CAMK1D: variants seen among roughly 807,000 people sequenced by gnomAD.
CAMK1D encodes calcium/calmodulin dependent protein kinase ID, also known as calcium/calmodulin-dependent protein kinase type 1D.
CAMK1D carries 9 observed loss-of-function variants against 47.7 expected under a neutral mutation model. The observed-to-expected ratio is 0.19, with a 90% CI of 0.11 to 0.33. The LOEUF (loss-of-function observed/expected upper bound fraction) is 0.33, where lower values mean the gene tolerates loss of function less well. CAMK1D is among the 10% of genes least tolerant of loss of function. CAMK1D has a pLI of 1.00. For synonymous variants in CAMK1D, 184 were observed against 184.9 expected, an observed-to-expected ratio of 0.99 and a Z score of 0.04; for missense variants, 291 against 488.7, an observed-to-expected ratio of 0.60 and a Z score of 3.81.
chr10:12,777,541 A>G (rs1320394293), intron 5 of CAMK1D, among the ~76,000 whole-genome samples: 5 of 151,600 alleles, frequency 3.3e-5, no homozygotes, highest in Admixed American at 3.3e-4. Flanking sequence ...CCCTAGGCTA[A>G]TTTTATATTT....
rs397693477 is a variant in CAMK1D, at chr10:12,647,145, C to CTTT, written c.225-19571_225-19569dup. 2.3e-3 allele frequency among the ~76,000 whole-genome samples: 178 copies of CTTT among 76,786 alleles called. 2 individuals carry two copies. The highest frequency in any genetic ancestry group is 4.1e-3 in the African/African-American group (90 of 22,200). 50.4% of individuals were successfully genotyped at this position (76,786 alleles called of 152,430 possible). ...CGTGAGCCTCCTTGCCCAGGCTAGC[C>CTTT]TTTTTTTTTTTTTTTTTTTTTTGAA... is the stretch of plus-strand genomic sequence containing the variant. On this transcript the variant is annotated intron_variant, in intron 2 of 10. Coordinates refer to ENST00000619168, the MANE Select transcript of CAMK1D (RefSeq NM_153498.4).
chr10:12,763,386 C>G (rs776852344), intron 4 of CAMK1D, among the ~76,000 whole-genome samples: 3 of 152,176 alleles, frequency 2.0e-5, no homozygotes, highest in Non-Finnish European at 4.4e-5. Context: ...TGCAAATGTA[C>G]CTCCTTCTCT....
chr10:12,394,249 G>A (rs965513350), intron 1 of CAMK1D, among the ~76,000 whole-genome samples: 10 of 152,234 alleles, frequency 6.6e-5, no homozygotes, highest in African/African-American at 2.2e-4. Context: ...GCAGGGGAGC[G>A]TGCCGTCCTC....
rs1835357987 is a variant in CAMK1D at position 12,520,101 on chromosome 10, G to A, written c.93-33124G>A. Among the ~76,000 whole-genome samples the A allele has an allele frequency of 2.4e-5, 2 of 82,960 alleles. 1 individual carries two copies. The highest frequency in any genetic ancestry group is 7.8e-4 in the East Asian group (2 of 2,576). The allele number at this position is 82,960 out of a possible 152,430, so 54.4% of individuals were successfully genotyped here. Reference sequence around the variant, plus strand: ...CCCCACCTCCCTCCCGGACGGGGTGGCTGCCGGGCGGAGAGGCTCCTCACT... The same window carrying A: ...CCCCACCTCCCTCCCGGACGGGGTGACTGCCGGGCGGAGAGGCTCCTCACT... On this transcript the variant is annotated intron_variant, in intron 1 of 10. Coordinates refer to ENST00000619168, the MANE Select transcript of CAMK1D (RefSeq NM_153498.4).
intron 2 of CAMK1D, among the ~76,000 whole-genome samples, chr10:12,594,915 C>T (rs1227702840): frequency 1.3e-5 from 2 of 152,108 alleles, no homozygotes; most frequent in Non-Finnish European, 2.9e-5. Context: ...GGTCAGGATC[C>T]ACTTGCGGAA....
intron 2 of CAMK1D, among the ~76,000 whole-genome samples, chr10:12,607,603 T>C (rs1838499149): frequency 6.6e-6 from 1 of 152,144 alleles, no homozygotes; most frequent in African/African-American, 2.4e-5. Context: ...AGTAACAACT[T>C]TGAAGATGGT....
chr10:12,438,050 A>G (rs955205200), intron 1 of CAMK1D, among the ~76,000 whole-genome samples: 1 of 152,168 alleles, frequency 6.6e-6, no homozygotes, highest in Admixed American at 6.5e-5. Context: ...TGCTTGCATA[A>G]ACTGTTTAGG....
chr10:12,595,865 A>C (rs1838133663), intron 2 of CAMK1D, among the ~76,000 whole-genome samples: 1 of 152,174 alleles, frequency 6.6e-6, no homozygotes, highest in Non-Finnish European at 1.5e-5. Context: ...GGGCTGTGAA[A>C]GCTGTGTAGC....
At chr10:12,825,095 G>A (rs1221745444) in intron 9 of CAMK1D, among the ~76,000 whole-genome samples, 1 of 1,270 alleles carries the variant, frequency 7.9e-4, no homozygotes, top group Non-Finnish European at 1.8e-3. Flanking sequence ...TAATTTTGCT[G>A]GCCTGCTGTA....
intron 1 of CAMK1D, among the ~76,000 whole-genome samples, chr10:12,462,411 A>G (rs997641894): frequency 6.6e-6 from 1 of 150,872 alleles, no homozygotes; most frequent in Admixed American, 6.6e-5. Context: ...TGATCCGCCC[A>G]CCCTGGCCTC....
intron 2 of CAMK1D, among the ~76,000 whole-genome samples, chr10:12,570,826 C>T (rs1435089153): frequency 6.6e-6 from 1 of 151,996 alleles, no homozygotes; most frequent in Non-Finnish European, 1.5e-5. Context: ...TAGAGCATGC[C>T]TGTGCTTCCC....
chr10:12,801,375 T>TATCTATCTATCTATCC (rs1262203567), intron 6 of CAMK1D, among the ~76,000 whole-genome samples: 6 of 144,588 alleles, frequency 4.1e-5, no homozygotes, highest in Non-Finnish European at 7.4e-5. Flanking sequence ...TCTATCTATC[T>TATCTATCTATCTATCC]ATCTATCTAT....
chr10:12,455,416 C>T (rs1048051287), intron 1 of CAMK1D, among the ~76,000 whole-genome samples: 4 of 152,286 alleles, frequency 2.6e-5, no homozygotes, highest in South Asian at 2.1e-4. Flanking sequence ...TCAAGCAGTT[C>T]GCCCGCCTTG....
intron 4 of CAMK1D, among the ~76,000 whole-genome samples, chr10:12,768,542 T>C (rs1435255836): frequency 6.6e-6 from 1 of 152,066 alleles, no homozygotes; most frequent in African/African-American, 2.4e-5. Context: ...TAAGGTTTGG[T>C]GTAAATGACA....
At chr10:12,589,914 T>A (rs186859982) in intron 2 of CAMK1D, among the ~76,000 whole-genome samples, 74 of 152,284 alleles carry the variant, frequency 4.9e-4, no homozygotes, top group Non-Finnish European at 5.6e-4. Flanking sequence ...CCCTTTGCAG[T>A]AGAGACCTGC....
intron 3 of CAMK1D, among the ~76,000 whole-genome samples, chr10:12,712,247 C>T (rs922636197): frequency 2.6e-5 from 4 of 152,152 alleles, no homozygotes; most frequent in African/African-American, 9.7e-5. Context: ...TTTTTGGAAG[C>T]GTCACACTGC....
chr10:12,593,674 C>G (rs1446345763), intron 2 of CAMK1D, among the ~76,000 whole-genome samples: 1 of 151,988 alleles, frequency 6.6e-6, no homozygotes, highest in Admixed American at 6.5e-5. Flanking sequence ...ACCCCAAAAG[C>G]TATTGGAATT....
chr10:12,448,035 G>C (rs1041498987), intron 1 of CAMK1D, among the ~76,000 whole-genome samples: 3 of 148,676 alleles, frequency 2.0e-5, no homozygotes, highest in African/African-American at 7.3e-5. Context: ...TCTGTTTTTA[G>C]TAGAGACAGG....
At chr10:12,383,219 T>C (rs1266671498) in intron 1 of CAMK1D, among the ~76,000 whole-genome samples, 2 of 152,202 alleles carry the variant, frequency 1.3e-5, no homozygotes, top group African/African-American at 2.4e-5. Flanking sequence ...CTCTTTGTTT[T>C]AGGATTTATA....
Sources: gnomAD v4.1 joint callset for allele counts (sites outside exome capture counted in the v4.1 genomes callset) on GRCh38, gnomAD v4.1.1 for gene constraint, MANE v1.5 for transcripts, NCBI Gene and HGNC (gene_info 2026-07-23, HGNC 2026-07-21) for gene names.